The following LRP1B variants were observed in gnomAD, a reference collection of about 807,000 sequenced individuals.
LRP1B encodes the protein low-density lipoprotein receptor-related protein 1B.
A neutral mutation model predicts 556.6 loss-of-function variants in LRP1B; 217 were observed. That is an observed-to-expected ratio of 0.39 (90% CI 0.35 to 0.44). The LOEUF is 0.44. LRP1B is among the 20% of genes least tolerant of loss of function. The pLI is 1.00. For missense variants in LRP1B, 5,053 were observed against 5,620.8 expected (o/e 0.90, Z 3.23); for synonymous variants, 2,047 against 1,865.8 (o/e 1.10, Z -2.50).
intron 7 of LRP1B, among the ~76,000 whole-genome samples, chr2:141,187,944 A>G (rs1681330302): frequency 6.6e-6 from 1 of 152,030 alleles, no homozygotes; most frequent in Non-Finnish European, 1.5e-5. Flanking sequence ...AGTCTGAACA[A>G]AGATATTTTT....
intron 3 of LRP1B, among the ~76,000 whole-genome samples, chr2:141,385,653 A>G (rs1196301155): frequency 1.3e-5 from 2 of 152,134 alleles, no homozygotes; most frequent in African/African-American, 4.8e-5. Flanking sequence ...TAGAAGACAT[A>G]TTTTTAAAAA....
At chr2:140,614,177 C>T (rs1683179174) in intron 41 of LRP1B, among the ~76,000 whole-genome samples, 1 of 152,088 alleles carries the variant, frequency 6.6e-6, no homozygotes, top group Non-Finnish European at 1.5e-5. Flanking sequence ...ACTCAGTCAC[C>T]TCTGTACAAA....
At chr2:140,671,751 T>A (rs893050206) in intron 41 of LRP1B, among the ~76,000 whole-genome samples, 1 of 152,180 alleles carries the variant, frequency 6.6e-6, no homozygotes, top group African/African-American at 2.4e-5. Context: ...CATCTCAATA[T>A]CCTTAACTTA....
In LRP1B at chr2:140,960,410, T is replaced by G. The variant is rs183450054; in HGVS notation, c.2888-8470A>C. ...CATAAAATTTCCCAAGAAATCAAAT[T>G]ATCAGTGAGCTTCACACTGCCAGAT... On this transcript the variant is annotated intron_variant, in intron 18 of 90. Coordinates refer to ENST00000389484, the MANE Select transcript of LRP1B (RefSeq NM_018557.3). 3.0e-3 allele frequency among the ~76,000 whole-genome samples: 451 copies of G among 151,906 alleles called. 6 individuals carry two copies. The highest frequency in any genetic ancestry group is 0.01 in the African/African-American group (429 of 41,510).
At chr2:141,250,246 T>A (rs1191496978) in intron 4 of LRP1B, among the ~76,000 whole-genome samples, 12 of 152,184 alleles carry the variant, frequency 7.9e-5, no homozygotes, top group Admixed American at 5.9e-4. Flanking sequence ...CCTATGCTAA[T>A]GAGGTGACTC....
intron 41 of LRP1B, among the ~76,000 whole-genome samples, chr2:140,623,192 C>G (rs1403534388): frequency 6.6e-6 from 1 of 152,144 alleles, no homozygotes; most frequent in Non-Finnish European, 1.5e-5. Context: ...TGTGGCTAGA[C>G]AGTCCTGTGT....
At chr2:140,691,661 A>G (rs139177201) in intron 41 of LRP1B, among the ~76,000 whole-genome samples, 21 of 152,274 alleles carry the variant, frequency 1.4e-4, no homozygotes, top group Non-Finnish European at 2.2e-4. Context: ...GTCAATGTCT[A>G]TAAATATAAA....
intron 82 of LRP1B, among the ~76,000 whole-genome samples, chr2:140,316,264 G>T (rs1684515636): frequency 6.6e-6 from 1 of 152,090 alleles, no homozygotes; most frequent in Non-Finnish European, 1.5e-5. Flanking sequence ...TATAGTTAAA[G>T]TAGGTAAAAT....
chr2:141,504,541 T>G (rs577081475), intron 2 of LRP1B, among the ~76,000 whole-genome samples: 2 of 152,240 alleles, frequency 1.3e-5, no homozygotes, highest in East Asian at 3.9e-4. Flanking sequence ...CTATAATAAG[T>G]TTAAGTCAGT....
At chr2:141,164,788 C>G (rs923907781) in intron 7 of LRP1B, among the ~76,000 whole-genome samples, 1 of 151,958 alleles carries the variant, frequency 6.6e-6, no homozygotes, top group East Asian at 1.9e-4. Context: ...TTAGAAGATA[C>G]AGAGTCATTC....
At chr2:141,216,721 A>G (rs1395838453) in intron 6 of LRP1B, among the ~76,000 whole-genome samples, 2 of 152,196 alleles carry the variant, frequency 1.3e-5, no homozygotes, top group African/African-American at 2.4e-5. Context: ...GAGTCAAAAA[A>G]AGATTATTTT....
intron 2 of LRP1B, among the ~76,000 whole-genome samples, chr2:141,744,604 A>C (rs78690383): frequency 9.6e-4 from 146 of 152,208 alleles, no homozygotes; most frequent in African/African-American, 3.3e-3. Flanking sequence ...ACAAGCTATT[A>C]TCTCTCTCTC....
chr2:142,010,031 G>T (rs1702907666), intron 1 of LRP1B, among the ~76,000 whole-genome samples: 1 of 151,910 alleles, frequency 6.6e-6, no homozygotes, highest in African/African-American at 2.4e-5. Context: ...TAATCATATA[G>T]GTTGTATAGC....
intron 84 of LRP1B, among the ~76,000 whole-genome samples, chr2:140,279,613 TTATC>T (rs1318483409): frequency 6.6e-6 from 1 of 151,918 alleles, no homozygotes; most frequent in Non-Finnish European, 1.5e-5. Flanking sequence ...GTTCAGCTAT[TTATC>T]TAATAAAATG....
At chr2:141,261,239 T>A (rs1001786096) in intron 3 of LRP1B, among the ~76,000 whole-genome samples, 3 of 152,172 alleles carry the variant, frequency 2.0e-5, no homozygotes, top group Admixed American at 2.0e-4. Flanking sequence ...TCTTCAGAAT[T>A]TCCTTGTCTT....
In LRP1B at chr2:140,769,472, T is replaced by A. The variant is rs907017318; in HGVS notation, c.5627-128A>T. ...TTAACAAATGTATTTCCTGGCCTTT[T>A]AAAAAAATTATTGTGTACTACACTT... On this transcript the variant is annotated intron_variant, in intron 34 of 90. Coordinates refer to ENST00000389484, the MANE Select transcript of LRP1B (RefSeq NM_018557.3). 15 of 977,722 alleles carry A rather than the reference T, an allele frequency of 1.5e-5. No homozygotes were observed. In the African/African-American group the frequency reaches 1.8e-4, roughly 12 times the overall value. The allele number at this position is 977,722 out of a possible 1,614,324, so 60.6% of individuals were successfully genotyped here. A position where few individuals can be genotyped will look rare whatever the true frequency, so the allele number is the denominator to read the frequency against.
intron 3 of LRP1B, among the ~76,000 whole-genome samples, chr2:141,437,227 T>G (rs2104996035): frequency 6.6e-6 from 1 of 152,246 alleles, no homozygotes; most frequent in South Asian, 2.1e-4. Flanking sequence ...TCCCCTTCTG[T>G]GTCTGCTAAG....
intron 21 of LRP1B, among the ~76,000 whole-genome samples, chr2:140,908,698 A>T (rs977638910): frequency 6.6e-6 from 1 of 152,092 alleles, no homozygotes; most frequent in African/African-American, 2.4e-5. Flanking sequence ...AATTTATAGA[A>T]TTTTTTTATT....
chr2:140,830,019 A>G (rs768809629), intron 31 of LRP1B, among the ~76,000 whole-genome samples: 15 of 152,092 alleles, frequency 9.9e-5, no homozygotes, highest in Non-Finnish European at 1.8e-4. Flanking sequence ...ATAAACGGAT[A>G]AATTTCTGAA....
Sources: gnomAD v4.1 joint callset for allele counts (sites outside exome capture counted in the v4.1 genomes callset) on GRCh38, gnomAD v4.1.1 for gene constraint, MANE v1.5 for transcripts, NCBI Gene and HGNC (gene_info 2026-07-23, HGNC 2026-07-21) for gene names.